MIB1: variants seen among roughly 807,000 people sequenced by gnomAD.
The protein encoded by MIB1 is E3 ubiquitin-protein ligase MIB1.
Under a neutral mutation model 124.5 loss-of-function variants are expected in MIB1, and 278 were observed. That is an observed-to-expected ratio of 2.23 (90% CI 2.02 to 2.47). The LOEUF is 2.47. MIB1 is among the 30% of genes most tolerant of loss of function. MIB1 has a pLI of 0.00. For synonymous variants in MIB1, 446 were observed against 429.4 expected (o/e 1.04, Z -0.48); for missense variants, 957 against 1,254.4 (o/e 0.76, Z 3.58).
intron 1 of MIB1, among the ~76,000 whole-genome samples, chr18:21,761,143 A>G (rs1163553492): frequency 6.6e-6 from 1 of 151,954 alleles, no homozygotes; most frequent in African/African-American, 2.4e-5. Context: ...TAATTTTATA[A>G]TTATTTCTAT....
intron 4 of MIB1, among the ~76,000 whole-genome samples, chr18:21,775,364 G>A (rs2041272776): frequency 6.6e-6 from 1 of 151,704 alleles, no homozygotes; most frequent in South Asian, 2.1e-4. Flanking sequence ...CTCAACCTCT[G>A]GAGTAGCTAG....
At chr18:21,708,972 C>T (rs912738739) in intron 1 of MIB1, among the ~76,000 whole-genome samples, 2 of 152,166 alleles carry the variant, frequency 1.3e-5, no homozygotes, top group Non-Finnish European at 2.9e-5. Context: ...GCTGATGAAA[C>T]TCCAGAAGGG....
intron 20 of MIB1, among the ~76,000 whole-genome samples, chr18:21,859,445 G>A (rs1283503032): frequency 2.0e-5 from 3 of 151,908 alleles, no homozygotes; most frequent in African/African-American, 7.3e-5. Flanking sequence ...AGATGGCTGG[G>A]AAGGGGCACA....
chr18:21,861,619 G>T (rs1222922734), intron 20 of MIB1, among the ~76,000 whole-genome samples: 1 of 148,734 alleles, frequency 6.7e-6, no homozygotes, highest in African/African-American at 2.5e-5. Flanking sequence ...GGAATGATGG[G>T]ATTTCTTATA....
At chr18:21,762,126 A>G (rs185298365) in intron 1 of MIB1, among the ~76,000 whole-genome samples, 36 of 152,342 alleles carry the variant, frequency 2.4e-4, no homozygotes, top group African/African-American at 8.7e-4. Context: ...TAAAAATACT[A>G]CTTCAGTGCA....
intron 1 of MIB1, among the ~76,000 whole-genome samples, chr18:21,743,084 A>C (rs1037473487): frequency 2.0e-5 from 3 of 152,324 alleles, no homozygotes; most frequent in Admixed American, 1.3e-4. Context: ...GCCAGGCTTC[A>C]GATAGCTTTT....
At chr18:21,781,601 G>C (rs1020999626) in intron 6 of MIB1, among the ~76,000 whole-genome samples, 13 of 151,100 alleles carry the variant, frequency 8.6e-5, no homozygotes, top group South Asian at 2.1e-4. Flanking sequence ...TTTTAATAGA[G>C]ATGGGGTTTC....
chr18:21,737,515 T>C (rs1299895198), upstream of MIB1, among the ~76,000 whole-genome samples: 1 of 152,108 alleles, frequency 6.6e-6, no homozygotes, highest in Non-Finnish European at 1.5e-5. Context: ...CAGGATCAAA[T>C]TCACACATAC....
rs1229088832 is a variant in MIB1 at position 21,731,733 on chromosome 18, C to CAAAA, written n.167+26632_167+26635dup. 3.5e-3 allele frequency among the ~76,000 whole-genome samples: 121 copies of CAAAA among 34,714 alleles called. 1 individual carries two copies. Among genetic ancestry groups the CAAAA allele is most frequent in the Middle Eastern group, 0.032 (2 of 62 alleles). 22.8% of individuals were successfully genotyped at this position (34,714 alleles called of 152,430 possible). ...GGCAACAGAGCGAAACCCCGTCTCA[C>CAAAA]AAAAAAAAAAAAAAAAAAAAAAAAA... On this transcript the variant is annotated intron_variant and non_coding_transcript_variant, in intron 1 of 20. Coordinates refer to the MIB1 transcript ENST00000578646.
At position 21,832,624 on chromosome 18, in the gene MIB1, C is replaced by G. The variant is rs184331402; in HGVS notation, c.1830-5741C>G. 7.2e-5 allele frequency among the ~76,000 whole-genome samples: 11 copies of G among 152,240 alleles called. No homozygotes were observed. In the East Asian group the frequency reaches 1.9e-3, roughly 27 times the overall value. ...TCTTAAGAAACAAGAAAAACTATTA[C>G]GAGTTTTCTGAGCTTACTCACCTAC... is the stretch of plus-strand genomic sequence containing the variant. On this transcript the variant is annotated intron_variant, in intron 12 of 20. Transcript: ENST00000261537.
intron 19 of MIB1, among the ~76,000 whole-genome samples, chr18:21,858,022 A>G (rs1243669020): frequency 6.6e-6 from 1 of 152,260 alleles, no homozygotes; most frequent in Non-Finnish European, 1.5e-5. Context: ...CCATGTTTGC[A>G]TACTACAGAT....
chr18:21,845,095 C>T (rs564022400), intron 15 of MIB1, among the ~76,000 whole-genome samples: 9 of 152,150 alleles, frequency 5.9e-5, no homozygotes, highest in East Asian at 1.9e-4. Flanking sequence ...ACTGCAACCT[C>T]CGCCTCCTGG....
intron 1 of MIB1, among the ~76,000 whole-genome samples, chr18:21,754,676 T>C (rs1258894461): frequency 1.3e-5 from 2 of 152,138 alleles, no homozygotes; most frequent in African/African-American, 4.8e-5. Context: ...CTGAGGATTC[T>C]GAGATCTACA....
chr18:21,779,950 T>C (rs1278164733), intron 6 of MIB1, among the ~76,000 whole-genome samples: 1 of 151,990 alleles, frequency 6.6e-6, no homozygotes, highest in Non-Finnish European at 1.5e-5. Flanking sequence ...CTGTACACTA[T>C]TTTTCCTTCA....
At chr18:21,742,068 C>A (rs2040859856) in intron 1 of MIB1, among the ~76,000 whole-genome samples, 1 of 152,216 alleles carries the variant, frequency 6.6e-6, no homozygotes, top group African/African-American at 2.4e-5. Flanking sequence ...CTGGAAGACA[C>A]AAAGCACCGG....
Position 21,741,838 on chromosome 18 carries a change from C to G in MIB1, c.229+26C>G. ...GTAAGCCGCGGCCACCTGGCCAGGG[C>G]TTGCGCGCGCGGGGGGAAGGGGCGA... is the stretch of plus-strand genomic sequence containing the variant. On this transcript the variant is annotated intron_variant, in intron 1 of 20. Transcript: ENST00000261537. The surrounding 1 kb of genome is among the most constrained non-coding windows in gnomAD (Gnocchi z 5.4). The G allele has an allele frequency of 6.5e-7, 1 of 1,540,694 alleles. No homozygotes were observed. The highest frequency in any genetic ancestry group is 8.8e-7 in the Non-Finnish European group (1 of 1,141,436).
intron 20 of MIB1, among the ~76,000 whole-genome samples, chr18:21,859,886 CAAAAAAAAAAAAAAA>C (rs934260189): frequency 3.5e-5 from 1 of 28,416 alleles, no homozygotes; most frequent in Non-Finnish European, 6.4e-5. Flanking sequence ...GAGACTGTCT[CAAAAAAAAAAAAAAA>C]AAAAAAAAAA....
intron 9 of MIB1, among the ~76,000 whole-genome samples, chr18:21,800,818 G>A (rs1484946827): frequency 6.6e-6 from 1 of 151,998 alleles, no homozygotes. Context: ...ATCAATTGTA[G>A]CAATACAGCA....
intron 3 of MIB1, among the ~76,000 whole-genome samples, chr18:21,773,276 CCAAAAAA>C (rs1233944044): frequency 6.6e-6 from 1 of 151,658 alleles, no homozygotes; most frequent in Non-Finnish European, 1.5e-5. Context: ...AAACCAAAAA[CCAAAAAA>C]CAAAAAACTG....
Sources: allele counts gnomAD v4.1 joint callset (sites outside exome capture counted in the v4.1 genomes callset), GRCh38; gene constraint gnomAD v4.1.1; non-coding constraint Gnocchi (gnomAD v3.1); transcripts MANE v1.5; gene names NCBI Gene and HGNC (gene_info 2026-07-23, HGNC 2026-07-21).